The following DLGAP2 variants were observed in gnomAD, a reference collection of about 807,000 sequenced individuals.
The protein encoded by DLGAP2 is disks large-associated protein 2.
A neutral mutation model predicts 100.3 loss-of-function variants in DLGAP2; 26 were observed. The ratio of observed to expected loss-of-function variants is 0.26; its 90% CI spans 0.19 to 0.36. The LOEUF is 0.36. Ranked by LOEUF, DLGAP2 falls within the 10% of genes least tolerant of loss-of-function variation. The pLI, the probability that DLGAP2 is intolerant of heterozygous loss-of-function variation, is 1.00. For synonymous variants in DLGAP2, 886 were observed against 630.1 expected, an observed-to-expected ratio of 1.41 and a Z score of -6.08; for missense variants, 1,858 against 1,453.2, an observed-to-expected ratio of 1.28 and a Z score of -4.53.
In DLGAP2 at chr8:1,195,128, C is replaced by G. The variant is rs566540790; in HGVS notation, c.74-63723C>G. Among the ~76,000 whole-genome samples, 5 of 152,392 alleles carry G rather than the reference C, an allele frequency of 3.3e-5. No individual in the cohort carries two copies. The South Asian group carries it at 8.3e-4, about 25-fold the overall frequency. ...ATGGCTGCAGCAGGTGGAGATTAGA[C>G]TGCCCCTGGTCGCAAAGGCGTCAGA... On this transcript the variant is annotated intron_variant, in intron 2 of 14. Transcript: ENST00000637795.
intron 2 of DLGAP2, among the ~76,000 whole-genome samples, chr8:1,097,745 C>T (rs1297499925): frequency 7.3e-6 from 1 of 136,618 alleles, no homozygotes; most frequent in Admixed American, 7.4e-5. Context: ...GAGCTGGGAG[C>T]CTAGGGCAGG....
At chr8:1,287,494 G>A (rs1157661221) in intron 3 of DLGAP2, among the ~76,000 whole-genome samples, 6 of 41,438 alleles carry the variant, frequency 1.4e-4, no homozygotes, top group Admixed American at 5.7e-4. Context: ...GTGTGTGTGT[G>A]TGGTTCTGTT....
chr8:999,481 T>C (rs1032369632), intron 2 of DLGAP2, among the ~76,000 whole-genome samples: 10 of 136,882 alleles, frequency 7.3e-5, no homozygotes, highest in African/African-American at 3.0e-4. Context: ...GTGGTTTTTC[T>C]TTTTTTTTTT....
rs554299933 is a variant in DLGAP2, at chr8:1,199,465, G to A, written c.74-59386G>A. ...TAAAATGTTGGATAAAAGTAGGGTAGGAGGACACAGTAAAGGCACAGGCAG... is the reference window on the plus strand; with the variant it reads ...TAAAATGTTGGATAAAAGTAGGGTAAGAGGACACAGTAAAGGCACAGGCAG... On this transcript the variant is annotated intron_variant, in intron 2 of 14. Transcript: ENST00000637795. 2.0e-5 allele frequency among the ~76,000 whole-genome samples: 3 copies of A among 152,296 alleles called. No individual in the cohort carries two copies. In the South Asian group the frequency reaches 6.2e-4, roughly 32 times the overall value.
At chr8:1,464,754 C>T (rs1798575230) in intron 3 of DLGAP2, among the ~76,000 whole-genome samples, 1 of 152,220 alleles carries the variant, frequency 6.6e-6, no homozygotes, top group Admixed American at 6.5e-5. Context: ...CTCACTGCCT[C>T]ACGCCTCACC....
intron 3 of DLGAP2, among the ~76,000 whole-genome samples, chr8:1,427,605 G>T (rs1442582710): frequency 6.6e-6 from 1 of 152,192 alleles, no homozygotes; most frequent in Admixed American, 6.5e-5. Flanking sequence ...ATGTTGGGAG[G>T]TGATTGAATT....
At chr8:1,426,786 C>G (rs867175083) in intron 3 of DLGAP2, among the ~76,000 whole-genome samples, 2 of 152,062 alleles carry the variant, frequency 1.3e-5, no homozygotes, top group African/African-American at 4.8e-5. Flanking sequence ...AAAATTCCCA[C>G]CTAAAATCTC....
At chr8:1,560,662 G>A (rs570957313) in intron 5 of DLGAP2, among the ~76,000 whole-genome samples, 18 of 152,318 alleles carry the variant, frequency 1.2e-4, no homozygotes, top group East Asian at 1.9e-4. Context: ...CTGAAGACAC[G>A]GAGATAAGAA....
chr8:1,072,604 G>C (rs112446509), intron 2 of DLGAP2, among the ~76,000 whole-genome samples: 15 of 152,198 alleles, frequency 9.9e-5, no homozygotes, highest in African/African-American at 3.6e-4. Flanking sequence ...TTGGGTGTGT[G>C]TTCAGTGAAG....
chr8:1,241,086 G>A (rs528615757), intron 2 of DLGAP2, among the ~76,000 whole-genome samples: 2 of 84,524 alleles, frequency 2.4e-5, no homozygotes, highest in African/African-American at 4.8e-5. Context: ...GACGTGTCTA[G>A]TTCTCTCACA....
At chr8:1,464,239 A>C in intron 3 of DLGAP2, among the ~76,000 whole-genome samples, 1 of 127,036 alleles carries the variant, frequency 7.9e-6, no homozygotes, top group Middle Eastern at 5.3e-3. Flanking sequence ...CCAGGACGAC[A>C]CCCTTCCAGG....
chr8:1,335,367 C>T (rs576838726), intron 3 of DLGAP2, among the ~76,000 whole-genome samples: 7 of 152,314 alleles, frequency 4.6e-5, no homozygotes, highest in Non-Finnish European at 8.8e-5. Flanking sequence ...TACATTTTCA[C>T]TCTAAGACAG....
chr8:1,303,951 C>A (rs557464338), intron 3 of DLGAP2, among the ~76,000 whole-genome samples: 1 of 152,180 alleles, frequency 6.6e-6, no homozygotes, highest in African/African-American at 2.4e-5. Flanking sequence ...GATGCACTCT[C>A]ACAGAAGGGA....
intron 2 of DLGAP2, among the ~76,000 whole-genome samples, chr8:1,119,685 A>G (rs1447857368): frequency 2.0e-5 from 3 of 152,346 alleles, no homozygotes; most frequent in African/African-American, 7.2e-5. Context: ...TCGCCACTCA[A>G]CTTTGAATTT....
chr8:1,168,091 C>G (rs1236022369), intron 2 of DLGAP2, among the ~76,000 whole-genome samples: 1 of 135,424 alleles, frequency 7.4e-6, no homozygotes, highest in Non-Finnish European at 1.5e-5. Flanking sequence ...TCCACGTGTT[C>G]TCATTGTTCA....
At chr8:1,339,889 G>C (rs561354626) in intron 3 of DLGAP2, among the ~76,000 whole-genome samples, 1 of 152,296 alleles carries the variant, frequency 6.6e-6, no homozygotes, top group Non-Finnish European at 1.5e-5. Flanking sequence ...GGGATCCTGT[G>C]ATTCAAAGAC....
chr8:1,664,541 GT>G (rs1265552349), intron 8 of DLGAP2, among the ~76,000 whole-genome samples: 2 of 152,180 alleles, frequency 1.3e-5, no homozygotes, highest in Admixed American at 1.3e-4. Context: ...ATCTTACAAT[GT>G]TGTATCCACC....
At chr8:1,502,009 C>G (rs74398158) in intron 4 of DLGAP2, among the ~76,000 whole-genome samples, 1,543 of 152,354 alleles carry the variant, frequency 0.01, 32 homozygotes, top group African/African-American at 0.035. Context: ...TGACATGGAG[C>G]TATGCTTACA....
intron 2 of DLGAP2, among the ~76,000 whole-genome samples, chr8:976,942 T>G (rs1800180045): frequency 6.6e-6 from 1 of 152,194 alleles, no homozygotes; most frequent in Non-Finnish European, 1.5e-5. Context: ...TAAGTTGAAC[T>G]TGCATTAAAG....
Sources: allele counts gnomAD v4.1 joint callset (sites outside exome capture counted in the v4.1 genomes callset), GRCh38; gene constraint gnomAD v4.1.1; transcripts MANE v1.5; gene names NCBI Gene and HGNC (gene_info 2026-07-23, HGNC 2026-07-21).